The following PLAAT1 variants were observed in gnomAD, a reference collection of about 807,000 sequenced individuals.
PLAAT1 encodes H-REV107 protein-related protein.
PLAAT1 carries 13 observed loss-of-function variants against 16.4 expected under a neutral mutation model. The observed-to-expected ratio is 0.79, with a 90% CI of 0.52 to 1.26. PLAAT1 has a LOEUF of 1.26. PLAAT1 is among the 50% of genes most tolerant of loss of function. The pLI, the probability that PLAAT1 is intolerant of heterozygous loss-of-function variation, is 0.00. For missense variants in PLAAT1, 218 were observed against 207.8 expected (o/e 1.05, Z -0.30); for synonymous variants, 73 against 78.4 (o/e 0.93, Z 0.36).
upstream of PLAAT1, chr3:193,241,189 C>A: frequency 2.5e-6 from 3 of 1,219,994 alleles, no homozygotes; most frequent in Non-Finnish European, 3.1e-6. Flanking sequence ...CGACTGTGCC[C>A]CGCCTCCTGG....
At chr3:193,243,931 C>T (rs1417155366) in intron 1 of PLAAT1, among the ~76,000 whole-genome samples, 1 of 152,184 alleles carries the variant, frequency 6.6e-6, no homozygotes, top group Admixed American at 6.5e-5. Context: ...ATAATTGTAT[C>T]ATTTCAAGAA....
chr3:193,250,603 A>G lies in PLAAT1; in HGVS notation c.1-5048A>G, dbSNP rs528529972. On this transcript the variant is annotated intron_variant, in intron 1 of 3. Transcript: ENST00000264735. The stretch of plus-strand genomic sequence containing the variant: ...GGCTATAAAAGAGCACTCCGTGTGT[A>G]TGGAAACTACTTCTGGAGAAAGTCT... Among the ~76,000 whole-genome samples the G allele has an allele frequency of 2.4e-3, 371 of 152,280 alleles. 2 individuals are homozygous for G. The highest frequency in any genetic ancestry group is 3.3e-3 in the Non-Finnish European group (225 of 68,024).
downstream of PLAAT1, among the ~76,000 whole-genome samples, chr3:193,280,651 T>C (rs981496035): frequency 6.6e-6 from 1 of 152,232 alleles, no homozygotes; most frequent in African/African-American, 2.4e-5. Context: ...TCTCTGTTCT[T>C]ATTTCCAACC....
At chr3:193,278,234 A>G (rs1228871933), downstream of PLAAT1, among the ~76,000 whole-genome samples, 1 of 152,140 alleles carries the variant, frequency 6.6e-6, no homozygotes, top group Non-Finnish European at 1.5e-5. Context: ...TGATAAATGA[A>G]TGACTTGGGT....
At chr3:193,269,170 G>C (rs1253049685) in intron 3 of PLAAT1, among the ~76,000 whole-genome samples, 1 of 152,064 alleles carries the variant, frequency 6.6e-6, no homozygotes, top group Non-Finnish European at 1.5e-5. Flanking sequence ...GTGGCTCTGT[G>C]CTACAGTGAA....
At chr3:193,280,622 C>T (rs113013200), downstream of PLAAT1, among the ~76,000 whole-genome samples, 13 of 152,248 alleles carry the variant, frequency 8.5e-5, no homozygotes, top group East Asian at 7.7e-4. Context: ...CTAAACTTCC[C>T]GGATGCACTG....
chr3:193,258,489 A>AC (rs1560102313), intron 2 of PLAAT1, among the ~76,000 whole-genome samples: 1 of 151,704 alleles, frequency 6.6e-6, no homozygotes, highest in Non-Finnish European at 1.5e-5. Flanking sequence ...TGAAAGGATA[A>AC]ATGATTGATA....
chr3:193,249,430 T>A (rs1018028350), intron 1 of PLAAT1, among the ~76,000 whole-genome samples: 3 of 152,196 alleles, frequency 2.0e-5, no homozygotes, highest in Non-Finnish European at 4.4e-5. Context: ...CCAAAATGAT[T>A]TATAGCGGCT....
chr3:193,273,411 A>T (rs2108807468), downstream of PLAAT1, among the ~76,000 whole-genome samples: 1 of 152,288 alleles, frequency 6.6e-6, no homozygotes, highest in South Asian at 2.1e-4. Flanking sequence ...ACACAGAGGG[A>T]TTGTTTTTAT....
intron 2 of PLAAT1, among the ~76,000 whole-genome samples, chr3:193,256,008 T>TA (rs1577304377): frequency 6.6e-6 from 1 of 152,184 alleles, no homozygotes; most frequent in African/African-American, 2.4e-5. Flanking sequence ...CCTCTGGATT[T>TA]AAAAAATCAC....
intron 1 of PLAAT1, among the ~76,000 whole-genome samples, chr3:193,248,753 T>C (rs1238055073): frequency 6.6e-6 from 1 of 152,174 alleles, no homozygotes; most frequent in Non-Finnish European, 1.5e-5. Flanking sequence ...GTTTTTGGCA[T>C]GTCCATTAGC....
intron 1 of PLAAT1, among the ~76,000 whole-genome samples, chr3:193,253,691 C>CTAAGAGAAGAGCTCACATCAG (rs1716275284): frequency 6.6e-6 from 1 of 152,034 alleles, no homozygotes; most frequent in Non-Finnish European, 1.5e-5. Flanking sequence ...AAGTAGAAGA[C>CTAAGAGAAGAGCTCACATCAG]TAAGAGAAGA....
At chr3:193,279,465 A>C, downstream of PLAAT1, 2 of 1,601,484 alleles carry the variant, frequency 1.2e-6, no homozygotes, top group Non-Finnish European at 1.7e-6. Flanking sequence ...CTGAGGAAAT[A>C]CCAAACATTA....
upstream of PLAAT1, among the ~76,000 whole-genome samples, chr3:193,240,959 G>A (rs1371655456): frequency 6.6e-6 from 1 of 152,292 alleles, no homozygotes; most frequent in East Asian, 1.9e-4. Flanking sequence ...CACAGCGCCT[G>A]GTGCCCTAAA....
At chr3:193,259,823 A>G (rs866089527) in intron 2 of PLAAT1, among the ~76,000 whole-genome samples, 41 of 152,196 alleles carry the variant, frequency 2.7e-4, no homozygotes, top group African/African-American at 9.4e-4. Flanking sequence ...ATTCAACACT[A>G]TTTCTATCAA....
In PLAAT1 at chr3:193,276,638, A is replaced by G. The variant is rs574770975; in HGVS notation, c.*60-998A>G. ...ATATGTACCATTTTAATAAACCCTTAATAACTGTCATTTTGGGGGATCAAA... is the reference window on the plus strand; with the variant it reads ...ATATGTACCATTTTAATAAACCCTTGATAACTGTCATTTTGGGGGATCAAA... On this transcript the variant is annotated intron_variant and NMD_transcript_variant, in intron 2 of 2. Transcript: ENST00000416012. 3 of 725,298 alleles carry G rather than the reference A, an allele frequency of 4.1e-6. No homozygotes were observed. The East Asian group carries it at 8.0e-5, about 19-fold the overall frequency. 44.9% of individuals were successfully genotyped at this position (725,298 alleles called of 1,614,324 possible). A position where few individuals can be genotyped will look rare whatever the true frequency, so the allele number is the denominator to read the frequency against.
chr3:193,251,949 C>A (rs1015496326), intron 1 of PLAAT1, among the ~76,000 whole-genome samples: 24 of 152,146 alleles, frequency 1.6e-4, no homozygotes, highest in African/African-American at 5.1e-4. Context: ...TTCCTAATGA[C>A]TAATGGCTTC....
downstream of PLAAT1, among the ~76,000 whole-genome samples, chr3:193,280,453 A>G (rs73888237): frequency 0.051 from 7,841 of 152,294 alleles, 245 homozygotes; most frequent in South Asian, 0.11. Context: ...TCTGCTTTGC[A>G]TGATCTTAAT....
intron 2 of PLAAT1, among the ~76,000 whole-genome samples, chr3:193,256,158 A>C (rs1368540404): frequency 1.3e-5 from 2 of 152,182 alleles, no homozygotes; most frequent in Admixed American, 6.5e-5. Flanking sequence ...TCTGAATGCT[A>C]TTCTAAGTGC....
Sources: gnomAD v4.1 joint callset for allele counts (sites outside exome capture counted in the v4.1 genomes callset) on GRCh38, gnomAD v4.1.1 for gene constraint, MANE v1.5 for transcripts, NCBI Gene and HGNC (gene_info 2026-07-23, HGNC 2026-07-21) for gene names.